The following TRAPPC11 variants were observed in gnomAD, a reference collection of about 807,000 sequenced individuals.
TRAPPC11 encodes the protein foie gras homolog.
A neutral mutation model predicts 151.2 loss-of-function variants in TRAPPC11; 104 were observed. The ratio of observed to expected loss-of-function variants is 0.69; its 90% CI spans 0.59 to 0.81. TRAPPC11 has a LOEUF of 0.81. TRAPPC11 is among the 30% of genes least tolerant of loss of function. TRAPPC11 has a pLI of 0.00. For synonymous variants in TRAPPC11, 456 were observed against 472.3 expected, an observed-to-expected ratio of 0.97 and a Z score of 0.45; for missense variants, 1,230 against 1,349.6, an observed-to-expected ratio of 0.91 and a Z score of 1.39.
At chr4:183,703,718 C>T (rs1228960888) in intron 26 of TRAPPC11, among the ~76,000 whole-genome samples, 1 of 152,162 alleles carries the variant, frequency 6.6e-6, no homozygotes, top group Non-Finnish European at 1.5e-5. Flanking sequence ...GTTGCTTTTG[C>T]TCTGTGATAG....
In TRAPPC11 at chr4:183,661,582, A is replaced by G. The variant is rs548022087; in HGVS notation, c.-22+2135A>G. On this transcript the variant is annotated intron_variant, in intron 1 of 29. Transcript: ENST00000334690. ...GAGACGGGGTTTCACCATGTTAGCC[A>G]GGATGGTCTCGATCTCCTGACCTTG... Among the ~76,000 whole-genome samples, 490 of 151,802 alleles carry G rather than the reference A, an allele frequency of 3.2e-3. 3 individuals are homozygous for G. The highest frequency in any genetic ancestry group is 0.01 in the Middle Eastern group (3 of 292).
At chr4:183,671,162 G>C (rs1203575064) in intron 5 of TRAPPC11, among the ~76,000 whole-genome samples, 1 of 152,172 alleles carries the variant, frequency 6.6e-6, no homozygotes, top group African/African-American at 2.4e-5. Flanking sequence ...CACTGTTCCC[G>C]GCCCTGGAAG....
chr4:183,668,649 G>A (rs1321197450), intron 5 of TRAPPC11, among the ~76,000 whole-genome samples: 1 of 152,106 alleles, frequency 6.6e-6, no homozygotes, highest in Non-Finnish European at 1.5e-5. Flanking sequence ...ATGTATCTAT[G>A]TCACTAATTT....
Position 183,666,337 on chromosome 4 carries a change from C to G in TRAPPC11, c.285C>G (p.Ala95=). Residue 95 remains alanine, a synonymous_variant, in exon 3 of 30, where the codon GCC becomes GCG. Transcript: ENST00000334690. ...ATAAGCATCTGAATCTGGTGCCAGC[C>G]CTGGTGGTTGTGTTCTATGAACTGG... is the stretch of plus-strand genomic sequence containing the variant. ...WMNKHLNLVP[A]LVVVFYELDW... 6.2e-7 allele frequency: 1 copy of G among 1,614,054 alleles called. No individual in the cohort carries two copies. The highest frequency in any genetic ancestry group is 8.5e-7 in the Non-Finnish European group (1 of 1,179,972).
intron 5 of TRAPPC11, among the ~76,000 whole-genome samples, chr4:183,673,699 TAATGAAATGA>T (rs889388589): frequency 2.6e-5 from 4 of 152,062 alleles, no homozygotes; most frequent in South Asian, 2.1e-4. Context: ...TGAAATGAAA[TAATGAAATGA>T]AATGAAATGA....
Position 183,686,678 on chromosome 4 carries a change from A to G in TRAPPC11, c.1823A>G (p.Asp608Gly), listed in dbSNP as rs1448973560. 2.8e-5 allele frequency: 45 copies of G among 1,613,924 alleles called. No homozygotes were observed. Among genetic ancestry groups the G allele is most frequent in the Non-Finnish European group, 3.6e-5 (42 of 1,179,984 alleles). ...SFHVDVPVQF[D>G]IYLKADCPHP... The stretch of plus-strand genomic sequence containing the variant: ...CATGTTGATGTTCCTGTTCAGTTTG[A>G]TATTTATCTGAAGGCTGATTGTCCA... The change falls in exon 18 of 30, where the codon GAT (aspartate) becomes GGT (glycine). Residue 608 changes from aspartate to glycine, a missense_variant. Transcript: ENST00000334690.
At chr4:183,690,673 G>A (rs538720807) in intron 18 of TRAPPC11, among the ~76,000 whole-genome samples, 2 of 152,228 alleles carry the variant, frequency 1.3e-5, no homozygotes, top group African/African-American at 4.8e-5. Flanking sequence ...CTGAAAGAAA[G>A]CAAAGGAATG....
chr4:183,682,845 G>A lies in TRAPPC11; in HGVS notation c.1207+20G>A. The A allele has an allele frequency of 6.5e-7, 1 of 1,550,222 alleles. No individual in the cohort carries two copies. Among genetic ancestry groups the A allele is most frequent in the Non-Finnish European group, 8.9e-7 (1 of 1,122,800 alleles). ...TACTAAGTAAATAATTTTTCCCTCTGTCCTTTCCTCTCAACCTCAAAAGGC... is the reference window on the plus strand; with the variant it reads ...TACTAAGTAAATAATTTTTCCCTCTATCCTTTCCTCTCAACCTCAAAAGGC... On this transcript the variant is annotated intron_variant, in intron 11 of 29. Transcript: ENST00000334690.
chr4:183,693,249 T>C, intron 20 of TRAPPC11, 102 bp downstream of exon 20: 1 of 1,150,178 alleles, frequency 8.7e-7, no homozygotes, highest in East Asian at 2.6e-5. Context: ...TGGAGTGCAG[T>C]GGTGTGATCA....
chr4:183,712,822 T>G lies in TRAPPC11; in HGVS notation c.*178T>G. Reference sequence around the variant, plus strand: ...TCAAAAATATTAGGAAAATCTGTCTTATAGTTTCTCTAATAAATATCTGAA... The same window carrying G: ...TCAAAAATATTAGGAAAATCTGTCTGATAGTTTCTCTAATAAATATCTGAA... On this transcript the variant is annotated 3_prime_UTR_variant, in exon 30 of 30. Coordinates refer to ENST00000334690, the MANE Select transcript of TRAPPC11 (RefSeq NM_021942.6). The G allele has an allele frequency of 2.0e-6, 1 of 508,324 alleles. No homozygotes were observed. Among genetic ancestry groups the G allele is most frequent in the Non-Finnish European group, 3.5e-6 (1 of 289,326 alleles). The allele number at this position is 508,324 out of a possible 1,614,324, so 31.5% of individuals were successfully genotyped here. A position where few individuals can be genotyped will look rare whatever the true frequency, so the allele number is the denominator to read the frequency against.
chr4:183,707,252 TTA>T (rs1282655524), intron 28 of TRAPPC11, among the ~76,000 whole-genome samples: 7 of 98,826 alleles, frequency 7.1e-5, no homozygotes, highest in African/African-American at 3.2e-4. Context: ...GTGTGTGTGT[TTA>T]TGTGTGTGTG....
Position 183,697,784 on chromosome 4 carries a change from C to G in TRAPPC11, c.2800C>G (p.Leu934Val), listed in dbSNP as rs777300479. 6.2e-7 allele frequency: 1 copy of G among 1,613,918 alleles called. No homozygotes were observed. The highest frequency in any genetic ancestry group is 1.3e-5 in the African/African-American group (1 of 74,888). Reference protein sequence around the residue: ...ALTIVSSELQLAPSMTTVDQL... With the variant: ...ALTIVSSELQVAPSMTTVDQL... ...CACTATTGTTTCCAGTGAGCTCCAG[C>G]TTGCTCCATCCATGACCACAGTGGA... Residue 934 changes from leucine (L) to valine (V), a missense_variant, in exon 25 of 30, where the codon CTT (leucine) becomes GTT (valine). Leu to Val is a conservative substitution (Grantham distance 32, BLOSUM62 1). Transcript: ENST00000334690.
intron 5 of TRAPPC11, among the ~76,000 whole-genome samples, chr4:183,669,903 G>A (rs549233048): frequency 6.6e-6 from 1 of 152,210 alleles, no homozygotes; most frequent in African/African-American, 2.4e-5. Flanking sequence ...TAGTTTTGTT[G>A]TGGATGATGA....
chr4:183,667,704 AT>A (rs1051864669), intron 4 of TRAPPC11, among the ~76,000 whole-genome samples: 2 of 152,098 alleles, frequency 1.3e-5, no homozygotes, highest in Non-Finnish European at 2.9e-5. Flanking sequence ...TTCATGAATT[AT>A]TGCTTCCAGT....
Position 183,666,247 on chromosome 4 carries a change from A to G in TRAPPC11, c.205-10A>G, listed in dbSNP as rs746348297. 2.4e-5 allele frequency: 38 copies of G among 1,605,666 alleles called. No individual in the cohort carries two copies. Among genetic ancestry groups the G allele is most frequent in the African/African-American group, 6.7e-5 (5 of 74,678 alleles). On this transcript the variant is annotated splice_polypyrimidine_tract_variant and intron_variant, in intron 2 of 29. Transcript: ENST00000334690. Reference sequence around the variant, plus strand: ...TCAGGTAACTTTTCAATTTCTGCCAATGTTTGCAGAGAACTTCATATGAGT... The same window carrying G: ...TCAGGTAACTTTTCAATTTCTGCCAGTGTTTGCAGAGAACTTCATATGAGT...
chr4:183,685,115 G>A lies in TRAPPC11; in HGVS notation c.1599G>A (p.Arg533=). ...CTCTGAAAGATGACCAGAAGTCTCGGATAGAAAAGAACCTCATAAATGTTT... is the reference window on the plus strand; with the variant it reads ...CTCTGAAAGATGACCAGAAGTCTCGAATAGAAAAGAACCTCATAAATGTTT... ...ASTLKDDQKS[R]IEKNLINVLM... Residue 533 remains arginine, a synonymous_variant, in exon 16 of 30, where the codon CGG becomes CGA. Transcript: ENST00000334690. 1 of 1,613,804 alleles carries A rather than the reference G, an allele frequency of 6.2e-7. No individual in the cohort carries two copies. Among genetic ancestry groups the A allele is most frequent in the Non-Finnish European group, 8.5e-7 (1 of 1,179,870 alleles).
chr4:183,692,883 G>A lies in TRAPPC11; in HGVS notation c.2050-77G>A, dbSNP rs75989767. On this transcript the variant is annotated intron_variant, in intron 19 of 29. Transcript: ENST00000334690. ...GAACTCCATGGTCTTAGCAGTCGAC[G>A]ATGTAATTTTGGTGAGAGGAGATGG... 4,899 of 1,348,244 alleles carry A rather than the reference G, an allele frequency of 3.6e-3. 151 individuals carry two copies. The African/African-American group carries it at 0.064, about 18-fold the overall frequency. 83.5% of individuals were successfully genotyped at this position (1,348,244 alleles called of 1,614,324 possible).
intron 7 of TRAPPC11, among the ~76,000 whole-genome samples, chr4:183,676,761 T>G (rs1468762472): frequency 4.6e-5 from 7 of 152,172 alleles, no homozygotes; most frequent in Non-Finnish European, 7.4e-5. Flanking sequence ...AAAAAGCTGT[T>G]GACCTGTGCT....
intron 19 of TRAPPC11, 96 bp downstream of exon 19, chr4:183,691,567 A>G (rs1736263161): frequency 2.6e-6 from 2 of 755,370 alleles, no homozygotes; most frequent in South Asian, 8.7e-5. Flanking sequence ...GTAAAAAATG[A>G]AAATCTGCTA....
Sources: allele counts gnomAD v4.1 joint callset (sites outside exome capture counted in the v4.1 genomes callset), GRCh38; gene constraint gnomAD v4.1.1; transcripts MANE v1.5; gene names NCBI Gene and HGNC (gene_info 2026-07-23, HGNC 2026-07-21).